The following GDAP1 variants were observed in gnomAD, a reference collection of about 807,000 sequenced individuals.
GDAP1 encodes ganglioside-induced differentiation-associated protein 1.
GDAP1 carries 34 observed loss-of-function variants against 40.1 expected under a neutral mutation model. The ratio of observed to expected loss-of-function variants is 0.85; its 90% CI spans 0.64 to 1.13. The LOEUF (loss-of-function observed/expected upper bound fraction) is 1.13. GDAP1 is among the 50% of genes most tolerant of loss of function. The probability of loss-of-function intolerance (pLI) is 0.00; values close to 1 mark genes in which losing one functional copy is unlikely to be tolerated. For synonymous variants in GDAP1, 170 were observed against 157.4 expected (o/e 1.08, Z -0.60); for missense variants, 374 against 433.7 (o/e 0.86, Z 1.22).
At chr8:74,356,930 GTC>G (rs1161627686) in intron 2 of GDAP1, among the ~76,000 whole-genome samples, 1 of 151,898 alleles carries the variant, frequency 6.6e-6, no homozygotes, top group Non-Finnish European at 1.5e-5. Context: ...GGCCGGGATG[GTC>G]TCTCGATCTC....
chr8:74,393,471 T>G (rs931650473), intron 2 of GDAP1, among the ~76,000 whole-genome samples: 3 of 152,152 alleles, frequency 2.0e-5, no homozygotes, highest in Non-Finnish European at 4.4e-5. Flanking sequence ...TTGTTTAATG[T>G]GCATAAACTG....
At chr8:74,408,264 A>T (rs890536523) in intron 2 of GDAP1, among the ~76,000 whole-genome samples, 1 of 150,020 alleles carries the variant, frequency 6.7e-6, no homozygotes, top group South Asian at 2.1e-4. Context: ...TTGTATTTCT[A>T]TGGTGGTTTG....
rs1586808622 is a variant in GDAP1, at chr8:74,365,179, A to G, written c.*812A>G. 2 of 454,050 alleles carry G rather than the reference A, an allele frequency of 4.4e-6. No homozygotes were observed. Among genetic ancestry groups the G allele is most frequent in the South Asian group, 3.1e-5 (2 of 64,468 alleles). The allele number at this position is 454,050 out of a possible 1,614,324, so 28.1% of individuals were successfully genotyped here. A position where few individuals can be genotyped will look rare whatever the true frequency, so the allele number is the denominator to read the frequency against. The stretch of plus-strand genomic sequence containing the variant: ...TAGCATGTCTAGGTATTGGCTGGGT[A>G]GTGGGTATTTTGATGATCTGGGAGC... On this transcript the variant is annotated 3_prime_UTR_variant, in exon 6 of 6. Transcript: ENST00000220822.
chr8:74,416,883 C>G (rs1468982663), intron 2 of GDAP1, among the ~76,000 whole-genome samples: 1 of 148,872 alleles, frequency 6.7e-6, no homozygotes, highest in Non-Finnish European at 1.5e-5. Context: ...TGAATCCCAG[C>G]ACTTTCCACT....
At chr8:74,487,360 C>T (rs554395632) in intron 2 of GDAP1, among the ~76,000 whole-genome samples, 37 of 152,054 alleles carry the variant, frequency 2.4e-4, no homozygotes, top group Non-Finnish European at 4.9e-4. Flanking sequence ...AATTCATAGC[C>T]ATTCTTCTTT....
At chr8:74,462,387 A>G (rs369735632) in intron 2 of GDAP1, among the ~76,000 whole-genome samples, 18 of 152,294 alleles carry the variant, frequency 1.2e-4, no homozygotes, top group Non-Finnish European at 1.8e-4. Flanking sequence ...ATTTCCTTCA[A>G]TACATCTAAT....
At chr8:74,444,001 T>G in intron 2 of GDAP1, among the ~76,000 whole-genome samples, 1 of 143,198 alleles carries the variant, frequency 7.0e-6, no homozygotes, top group Admixed American at 7.7e-5. Flanking sequence ...TATCTATCTA[T>G]CTATCTATCT....
intron 2 of GDAP1, among the ~76,000 whole-genome samples, chr8:74,462,627 G>C (rs550777091): frequency 2.0e-5 from 3 of 152,316 alleles, no homozygotes; most frequent in Non-Finnish European, 4.4e-5. Context: ...AAGACATTGA[G>C]ACCTGTAGGA....
At chr8:74,409,278 T>C (rs1805678640) in intron 2 of GDAP1, among the ~76,000 whole-genome samples, 1 of 149,958 alleles carries the variant, frequency 6.7e-6, no homozygotes, top group African/African-American at 2.5e-5. Flanking sequence ...ATGTTTATGG[T>C]TTCTTTTGAA....
intron 2 of GDAP1, among the ~76,000 whole-genome samples, chr8:74,384,659 G>T (rs1352875294): frequency 6.6e-6 from 1 of 152,066 alleles, no homozygotes; most frequent in Non-Finnish European, 1.5e-5. Flanking sequence ...ACATCAAGAA[G>T]ATTTCATTTG....
intron 2 of GDAP1, among the ~76,000 whole-genome samples, chr8:74,397,788 G>A (rs1461499650): frequency 3.3e-5 from 5 of 152,138 alleles, no homozygotes; most frequent in South Asian, 2.1e-4. Context: ...ATCAGGTAGT[G>A]TGATGCCTCC....
intron 2 of GDAP1, among the ~76,000 whole-genome samples, chr8:74,402,039 C>G (rs896450426): frequency 6.7e-6 from 1 of 150,234 alleles, no homozygotes; most frequent in Non-Finnish European, 1.5e-5. Flanking sequence ...TGCCCGTTCT[C>G]AGATCTCCAG....
chr8:74,371,307 A>G (rs921404454), downstream of GDAP1, among the ~76,000 whole-genome samples: 2 of 152,256 alleles, frequency 1.3e-5, no homozygotes, highest in Non-Finnish European at 2.9e-5. Flanking sequence ...ACATTTTCAA[A>G]TATTTGGAAA....
intron 2 of GDAP1, among the ~76,000 whole-genome samples, chr8:74,418,546 T>A (rs1157688758): frequency 6.6e-6 from 1 of 152,190 alleles, no homozygotes; most frequent in Non-Finnish European, 1.5e-5. Flanking sequence ...TTCACATATA[T>A]AGATGAACAA....
chr8:74,380,621 G>T (rs1291617933), intron 2 of GDAP1, among the ~76,000 whole-genome samples: 1 of 151,662 alleles, frequency 6.6e-6, no homozygotes, highest in Non-Finnish European at 1.5e-5. Context: ...AAAACATTTA[G>T]AATTCTTTGA....
intron 2 of GDAP1, among the ~76,000 whole-genome samples, chr8:74,422,305 C>A (rs1416241036): frequency 2.6e-5 from 1 of 37,922 alleles, no homozygotes; most frequent in Non-Finnish European, 4.4e-5. Flanking sequence ...TTCTTTCTTT[C>A]TTTCTTTCTT....
rs1421448947 is a variant in GDAP1 at position 74,458,860 on chromosome 8, C to CAG, written c.166-29818_166-29817insAG. 0.01 allele frequency among the ~76,000 whole-genome samples: 11 copies of CAG among 1,092 alleles called. No individual in the cohort carries two copies. The East Asian group carries it at 0.23, about 23-fold the overall frequency. 0.7% of individuals were successfully genotyped at this position (1,092 alleles called of 152,430 possible). On this transcript the variant is annotated intron_variant, in intron 2 of 2. Transcript: ENST00000523640. Reference sequence around the variant, plus strand: ...GAAGAGAGAAATTGAGGCACACACACCAGGTGGGGATTTGAGAGGCAGCCA... The same window carrying CAG: ...GAAGAGAGAAATTGAGGCACACACACAGCAGGTGGGGATTTGAGAGGCAGCCA...
intron 2 of GDAP1, among the ~76,000 whole-genome samples, chr8:74,419,669 A>G (rs944753083): frequency 8.5e-5 from 13 of 152,216 alleles, no homozygotes; most frequent in African/African-American, 3.1e-4. Flanking sequence ...AAATTTAATG[A>G]CATTATATTT....
chr8:74,372,157 C>T (rs911187169), intron 2 of GDAP1, among the ~76,000 whole-genome samples: 3 of 152,128 alleles, frequency 2.0e-5, no homozygotes, highest in African/African-American at 7.2e-5. Context: ...TTTTCTTAAT[C>T]CAGTCTATCA....
Sources: allele counts gnomAD v4.1 joint callset (sites outside exome capture counted in the v4.1 genomes callset), GRCh38; gene constraint gnomAD v4.1.1; transcripts MANE v1.5; gene names NCBI Gene and HGNC (gene_info 2026-07-23, HGNC 2026-07-21).